Variants in SLC44A2 observed in about 807,000 individuals in gnomAD.
SLC44A2 encodes the protein solute carrier family 44 member 2 (CTL2 blood group), also known as choline transporter-like protein 2.
A neutral mutation model predicts 90.8 loss-of-function variants in SLC44A2; 57 were observed. The ratio of observed to expected loss-of-function variants is 0.63; its 90% CI spans 0.51 to 0.78. SLC44A2 has a LOEUF of 0.78. Among genes scored for constraint, SLC44A2 ranks in the 30% least tolerant of loss-of-function variants. The pLI, the probability that SLC44A2 is intolerant of heterozygous loss-of-function variation, is 0.00. For missense variants in SLC44A2, 794 were observed against 919.7 expected (o/e 0.86, Z 1.77); for synonymous variants, 355 against 360.7 (o/e 0.98, Z 0.18).
At chr19:10,619,447 GTT>G (rs929005868) in intron 1 of SLC44A2, among the ~76,000 whole-genome samples, 32 of 132,526 alleles carry the variant, frequency 2.4e-4, no homozygotes, top group African/African-American at 8.1e-4. Context: ...AAAAAAAAGT[GTT>G]TTTTTTTTTT....
In SLC44A2 at chr19:10,635,080, GGC is replaced by G. The variant is rs775300565; in HGVS notation, c.1055+8_1055+9del. ...TCATCAAAGAAGCCAGCAGGTGGGG[GGC>G]CAGGGTGCCAGGGGCCAGGATGGAG... On this transcript the variant is annotated splice_region_variant and intron_variant, in intron 12 of 21. Coordinates refer to ENST00000335757, the MANE Select transcript of SLC44A2 (RefSeq NM_020428.4). The G allele has an allele frequency of 2.5e-6, 4 of 1,613,958 alleles. No homozygotes were observed. The highest frequency in any genetic ancestry group is 2.5e-6 in the Non-Finnish European group (3 of 1,180,012).
chr19:10,633,648 G>T (rs2067020501), intron 10 of SLC44A2, among the ~76,000 whole-genome samples: 1 of 152,082 alleles, frequency 6.6e-6, no homozygotes, highest in Admixed American at 6.6e-5. Flanking sequence ...GTAGAGACAG[G>T]TTCTCCCTAT....
chr19:10,617,114 G>C (rs1310991927), intron 1 of SLC44A2, among the ~76,000 whole-genome samples: 1 of 151,758 alleles, frequency 6.6e-6, no homozygotes, highest in Non-Finnish European at 1.5e-5. Context: ...TAGAGACGGG[G>C]TTTCATCGTG....
At chr19:10,643,106 G>T in intron 21 of SLC44A2, 173 bp from the exon 22 acceptor site, 1 of 1,451,886 alleles carries the variant, frequency 6.9e-7, no homozygotes, top group Non-Finnish European at 9.0e-7. Flanking sequence ...CTGCGAGTGT[G>T]GGGATCCTGT....
intron 1 of SLC44A2, among the ~76,000 whole-genome samples, chr19:10,603,804 G>C (rs1270068585): frequency 6.6e-6 from 1 of 152,242 alleles, no homozygotes; most frequent in Non-Finnish European, 1.5e-5. Context: ...TCTGACCTGA[G>C]AGTCTCAGCC....
intron 1 of SLC44A2, among the ~76,000 whole-genome samples, chr19:10,612,719 A>C (rs1019376377): frequency 1.2e-4 from 18 of 152,224 alleles, no homozygotes; most frequent in African/African-American, 4.1e-4. Flanking sequence ...AGGCTGTGGC[A>C]GTTCTCTTAT....
At chr19:10,621,880 G>C (rs1029984343), upstream of SLC44A2, among the ~76,000 whole-genome samples, 2 of 152,202 alleles carry the variant, frequency 1.3e-5, no homozygotes, top group Non-Finnish European at 1.5e-5. Context: ...GCCTCCCAAA[G>C]TGCTGGGATT....
intron 10 of SLC44A2, among the ~76,000 whole-genome samples, chr19:10,633,865 C>T (rs774278576): frequency 2.6e-5 from 4 of 151,790 alleles, no homozygotes; most frequent in African/African-American, 7.3e-5. Flanking sequence ...TAGCTGGGTG[C>T]GGTGGCGCAC....
intron 1 of SLC44A2, among the ~76,000 whole-genome samples, chr19:10,611,201 C>G (rs1003373286): frequency 6.6e-6 from 1 of 151,866 alleles, no homozygotes; most frequent in Non-Finnish European, 1.5e-5. Flanking sequence ...CCTGTAATCC[C>G]AGCACTTTGT....
At chr19:10,620,219 G>A (rs1249483848) in intron 1 of SLC44A2, among the ~76,000 whole-genome samples, 1 of 151,834 alleles carries the variant, frequency 6.6e-6, no homozygotes, top group Non-Finnish European at 1.5e-5. Context: ...TGTGGCTCAT[G>A]CCTGTAATCC....
At chr19:10,631,603 G>A (rs374051348) in intron 7 of SLC44A2, 23 bp from the exon 8 acceptor site, 3 of 1,613,918 alleles carry the variant, frequency 1.9e-6, no homozygotes, top group East Asian at 2.2e-5. Flanking sequence ...AGCCTGACTG[G>A]TGCCATCCTC....
upstream of SLC44A2, chr19:10,602,470 T>G: frequency 8.7e-7 from 1 of 1,146,340 alleles, no homozygotes; most frequent in African/African-American, 1.6e-5. Context: ...CCGCGGAGCC[T>G]CCCGCCCGCC....
At chr19:10,631,977 C>T (rs774588650) in intron 9 of SLC44A2, 26 bp downstream of exon 9, 3 of 1,613,102 alleles carry the variant, frequency 1.9e-6, no homozygotes, top group South Asian at 2.2e-5. Flanking sequence ...AGGGGCCTCT[C>T]CCCTGGCTGC....
chr19:10,623,577 G>A (rs1018888245), upstream of SLC44A2, among the ~76,000 whole-genome samples: 5 of 151,984 alleles, frequency 3.3e-5, no homozygotes, highest in East Asian at 1.9e-4. Context: ...GTGGTGACTC[G>A]TGCCTGCAAT....
chr19:10,631,878 G>T lies in SLC44A2; in HGVS notation c.637G>T (p.Gly213Ter). The T allele has an allele frequency of 6.2e-7, 1 of 1,614,262 alleles. No individual in the cohort carries two copies. The highest frequency in any genetic ancestry group is 8.5e-7 in the Non-Finnish European group (1 of 1,180,046). Residue 213 changes from glycine (G) to a stop codon, truncating the protein, a stop_gained, in exon 9 of 22, where the codon GGA (glycine) becomes TGA (stop). Transcript: ENST00000335757. LOFTEE classifies it high-confidence loss of function. ...DLVEGAKKAN[G>*]VLEARQLAMR... Reference sequence around the variant, plus strand: ...TCCTCCTTCCCCCAGGAAAGCCAATGGAGTCCTAGAGGCGCGGCAACTCGC... The same window carrying T: ...TCCTCCTTCCCCCAGGAAAGCCAATTGAGTCCTAGAGGCGCGGCAACTCGC...
intron 1 of SLC44A2, among the ~76,000 whole-genome samples, chr19:10,618,104 A>G (rs896472877): frequency 6.6e-5 from 10 of 151,214 alleles, no homozygotes; most frequent in African/African-American, 9.7e-5. Context: ...TCCCGGGTTC[A>G]TGCCATTCTC....
At chr19:10,642,617 C>T (rs975622042) in intron 21 of SLC44A2, among the ~76,000 whole-genome samples, 166 bp downstream of exon 21, 2 of 152,130 alleles carry the variant, frequency 1.3e-5, no homozygotes, top group African/African-American at 2.4e-5. Context: ...TTTCCTTTTG[C>T]GCTTAGAAGC....
rs199914042 is a variant in SLC44A2 at position 10,632,068 on chromosome 19, G to C, written c.735G>C (p.Met245Ile). The C allele has an allele frequency of 6.2e-7, 1 of 1,614,120 alleles. No homozygotes were observed. The highest frequency in any genetic ancestry group is 1.7e-5 in the Admixed American group (1 of 59,994). The part of the protein sequence containing the change: ...IIIGLVIAMA[M>I]SLLFIILLRF... ...GAGGCCTGGTCATTGCCATGGCGAT[G>C]AGCCTCCTGTTCATCATCCTGCTTC... The change falls in exon 10 of 22, where the codon ATG becomes ATC. Residue 245 changes from methionine (M) to isoleucine (I), a missense_variant. Met to Ile is a conservative substitution (Grantham distance 10). Coordinates refer to ENST00000335757, the MANE Select transcript of SLC44A2 (RefSeq NM_020428.4).
At chr19:10,605,851 A>C (rs1269517070) in intron 1 of SLC44A2, among the ~76,000 whole-genome samples, 1 of 150,872 alleles carries the variant, frequency 6.6e-6, no homozygotes, top group Non-Finnish European at 1.5e-5. Context: ...AAAATTAGCC[A>C]AGCATGGTGG....
Sources: allele counts gnomAD v4.1 joint callset (sites outside exome capture counted in the v4.1 genomes callset), GRCh38; gene constraint gnomAD v4.1.1; transcripts MANE v1.5; gene names NCBI Gene and HGNC (gene_info 2026-07-23, HGNC 2026-07-21).